The following IRX4 variants were observed in gnomAD, a reference collection of about 807,000 sequenced individuals.
IRX4 encodes iroquois-class homeodomain protein IRX-4.
IRX4 carries 22 observed loss-of-function variants against 32.0 expected under a neutral mutation model. That is an observed-to-expected ratio of 0.69 (90% CI 0.49 to 0.98). The LOEUF is 0.98. Among genes scored for constraint, IRX4 ranks in the 50% least tolerant of loss-of-function variants. The pLI is 0.00. For missense variants in IRX4, 840 were observed against 744.2 expected (o/e 1.13, Z -1.50); for synonymous variants, 379 against 351.7 (o/e 1.08, Z -0.87).
At chr5:1,885,439 C>G (rs1472152249), upstream of IRX4, among the ~76,000 whole-genome samples, 1 of 152,188 alleles carries the variant, frequency 6.6e-6, no homozygotes, top group Non-Finnish European at 1.5e-5. Context: ...ACCCTTTCTC[C>G]GTGACCCAGA....
chr5:1,879,148 C>A (rs546697150), intron 4 of IRX4, among the ~76,000 whole-genome samples: 1 of 152,092 alleles, frequency 6.6e-6, no homozygotes, highest in Admixed American at 6.5e-5. Context: ...CCCGCCACCA[C>A]GCCCGGCTAA....
At chr5:1,886,337 C>T (rs545277184), upstream of IRX4, among the ~76,000 whole-genome samples, 33 of 152,362 alleles carry the variant, frequency 2.2e-4, no homozygotes, top group Non-Finnish European at 4.4e-4. Flanking sequence ...GGGCACCAGG[C>T]AAGGGCCTTT....
Position 1,878,938 on chromosome 5 carries a change from G to A in IRX4, c.737-146C>T, listed in dbSNP as rs1735322307. The A allele has an allele frequency of 1.8e-5, 15 of 847,814 alleles. No individual in the cohort carries two copies. The South Asian group carries it at 2.0e-4, about 11-fold the overall frequency. 52.5% of individuals were successfully genotyped at this position (847,814 alleles called of 1,614,324 possible). On this transcript the variant is annotated intron_variant, in intron 4 of 4. Coordinates refer to ENST00000231357, the MANE Select transcript of IRX4 (RefSeq NM_016358.3). ...TTCGCGTCTCCCATTTCCTCCAGAG[G>A]CCACCAGGTCACAAACTGGCAACAC...
chr5:1,883,459 C>G (rs905065725), upstream of IRX4, among the ~76,000 whole-genome samples: 6 of 152,218 alleles, frequency 3.9e-5, no homozygotes, highest in South Asian at 1.2e-3. Context: ...CAACGCCTCC[C>G]GCCGGTTTCC....
In IRX4 at chr5:1,882,874, G is replaced by A. The variant is rs1735504981; in HGVS notation, c.-227C>T. 2.5e-6 allele frequency: 1 copy of A among 395,316 alleles called. No individual in the cohort carries two copies. The highest frequency in any genetic ancestry group is 1.4e-4 in the South Asian group (1 of 7,356). The allele number at this position is 395,316 out of a possible 1,614,324, so 24.5% of individuals were successfully genotyped here. On this transcript the variant is annotated 5_prime_UTR_variant, in exon 1 of 5. Transcript: ENST00000231357. The stretch of plus-strand genomic sequence containing the variant: ...TAACTTCGCATTCCGGAGGCTCGAG[G>A]GGGCTCTGGGACCGAGCGGCCTCGC...
At position 1,880,737 on chromosome 5, in the gene IRX4, T is replaced by C. The variant is rs771652588; in HGVS notation, c.395A>G (p.Tyr132Cys). 1 of 1,612,598 alleles carries C rather than the reference T, an allele frequency of 6.2e-7. No homozygotes were observed. Among genetic ancestry groups the C allele is most frequent in the Non-Finnish European group, 8.5e-7 (1 of 1,178,904 alleles). ...GGTGGGTCCTCACCTGTCATAGGGGTACTGGCCCAGAGCTGGCTCGTAAGG... is the reference window on the plus strand; with the variant it reads ...GGTGGGTCCTCACCTGTCATAGGGGCACTGGCCCAGAGCTGGCTCGTAAGG... The part of the protein sequence containing the change: ...YYPYEPALGQ[Y>C]PYDRYGTMDS... Residue 132 changes from tyrosine (Y) to cysteine (C), a missense_variant, in exon 3 of 5, where the codon TAC becomes TGC. Coordinates refer to ENST00000231357, the MANE Select transcript of IRX4 (RefSeq NM_016358.3).
chr5:1,880,167 C>G (rs1238251089), intron 3 of IRX4: 1 of 1,522,304 alleles, frequency 6.6e-7, no homozygotes, highest in Admixed American at 2.0e-5. Context: ...AAGGTATAGA[C>G]AGGTAAGCCC....
rs146674681 is a variant in IRX4, at chr5:1,879,579, A to G, written c.661T>C (p.Tyr221His). The change falls in exon 4 of 5, where the codon TAC becomes CAC. Residue 221 changes from tyrosine (Y) to histidine (H), a missense_variant. By Grantham distance (83) the Tyr-to-His change is moderately conservative (BLOSUM62 2). Around this residue, in one of 3 missense-constraint regions of IRX4, gnomAD observed 585 missense variants for 488.0 expected, o/e 1.20. Transcript: ENST00000231357. Reference protein sequence around the residue: ...RNKCADEKRPYAEGEEEEGGE... With the variant: ...RNKCADEKRPHAEGEEEEGGE... ...CCCTCCTCCTCCTCGCCCTCCGCGT[A>G]GGGCCGCTTCTCGTCTGCGCACTTG... The G allele has an allele frequency of 8.4e-5, 135 of 1,613,760 alleles. No homozygotes were observed. The African/African-American group carries it at 1.4e-3, about 16-fold the overall frequency.
In IRX4 at chr5:1,877,833, A is replaced by G; in HGVS notation, c.*136T>C. The stretch of plus-strand genomic sequence containing the variant: ...GGCTTGTCCATGTTCCCAGGAGTCC[A>G]AGTTCAGAAGCCCCCTCTCCGGTGG... On this transcript the variant is annotated 3_prime_UTR_variant, in exon 5 of 5. Coordinates refer to ENST00000231357, the MANE Select transcript of IRX4 (RefSeq NM_016358.3). The G allele has an allele frequency of 1.2e-6, 1 of 808,192 alleles. No individual in the cohort carries two copies. Among genetic ancestry groups the G allele is most frequent in the Non-Finnish European group, 1.9e-6 (1 of 534,488 alleles). 50.1% of individuals were successfully genotyped at this position (808,192 alleles called of 1,614,324 possible).
At chr5:1,880,101 C>T in intron 3 of IRX4, 1 of 1,535,638 alleles carries the variant, frequency 6.5e-7, no homozygotes, top group African/African-American at 1.4e-5. Context: ...CAGAGAGGTC[C>T]AGGCCAATTC....
Position 1,877,936 on chromosome 5 carries a change from C to A in IRX4, c.*33G>T. The A allele has an allele frequency of 6.8e-7, 1 of 1,479,582 alleles. No individual in the cohort carries two copies. 91.7% of individuals were successfully genotyped at this position (1,479,582 alleles called of 1,614,324 possible). A position where few individuals can be genotyped will look rare whatever the true frequency, so the allele number is the denominator to read the frequency against. On this transcript the variant is annotated 3_prime_UTR_variant, in exon 5 of 5. Coordinates refer to ENST00000231357, the MANE Select transcript of IRX4 (RefSeq NM_016358.3). ...AGAGTCGGCGCCGTCCGCCTGAGCG[C>A]GGGTTCCCTCCTGGGCTCGGGACCC...
At position 1,877,920 on chromosome 5, in the gene IRX4, G is replaced by C; in HGVS notation, c.*49C>G. On this transcript the variant is annotated 3_prime_UTR_variant, in exon 5 of 5. Coordinates refer to ENST00000231357, the MANE Select transcript of IRX4 (RefSeq NM_016358.3). ...TGGAAACTCAGTGAAAAGAGTCGGC[G>C]CCGTCCGCCTGAGCGCGGGTTCCCT... The C allele has an allele frequency of 2.1e-6, 3 of 1,441,286 alleles. No individual in the cohort carries two copies. The highest frequency in any genetic ancestry group is 2.8e-6 in the Non-Finnish European group (3 of 1,080,122). The allele number at this position is 1,441,286 out of a possible 1,614,324, so 89.3% of individuals were successfully genotyped here.
At chr5:1,881,167 TG>T (rs1362368886) in intron 2 of IRX4, 5 of 272,244 alleles carry the variant, frequency 1.8e-5, no homozygotes, top group African/African-American at 4.0e-5. Context: ...AGGGGGCAGC[TG>T]GGAGAAGGAG....
Position 1,877,687 on chromosome 5 carries a change from T to C in IRX4, c.*282A>G. On this transcript the variant is annotated 3_prime_UTR_variant, in exon 5 of 5. Transcript: ENST00000231357. ...CTCCATGTAAACTTTTGACGTAAAC[T>C]TTATGCTTCAGGGTATCTGGCCTCT... The C allele has an allele frequency of 2.2e-6, 1 of 450,176 alleles. No homozygotes were observed. Among genetic ancestry groups the C allele is most frequent in the Non-Finnish European group, 3.9e-6 (1 of 257,198 alleles). 27.9% of individuals were successfully genotyped at this position (450,176 alleles called of 1,614,324 possible).
At chr5:1,884,422 T>C (rs1735563728), upstream of IRX4, 1 of 152,274 alleles carries the variant, frequency 6.6e-6, no homozygotes, top group South Asian at 2.1e-4. Flanking sequence ...TTGATGACTA[T>C]CTGGAGACCA....
At position 1,879,846 on chromosome 5, in the gene IRX4, C is replaced by G. The variant is rs1735367471; in HGVS notation, c.408-14G>C. The G allele has an allele frequency of 1.2e-6, 2 of 1,613,008 alleles. No homozygotes were observed. The highest frequency in any genetic ancestry group is 1.3e-5 in the African/African-American group (1 of 74,926). ...ATGGTTCCATACCTGGAGACAGGCT[C>G]TGCAATGGGCTCAGGCTGGGCCCTC... On this transcript the variant is annotated splice_polypyrimidine_tract_variant and intron_variant, in intron 3 of 4. Coordinates refer to ENST00000231357, the MANE Select transcript of IRX4 (RefSeq NM_016358.3).
Position 1,878,541 on chromosome 5 carries a change from C to G in IRX4, c.988G>C (p.Ala330Pro). The change falls in exon 5 of 5, where the codon GCG (alanine) becomes CCG (proline). Residue 330 changes from alanine to proline, a missense_variant. By Grantham distance (27) the Ala-to-Pro change is conservative. This residue lies in a region of IRX4 where 585 missense variants were observed against 488.0 expected (regional missense o/e 1.20). Transcript: ENST00000231357. Reference protein sequence around the residue: ...LERARSCLRSAAAGPEPLPGA... With the variant: ...LERARSCLRSPAAGPEPLPGA... ...GGCAGTGGCTCCGGCCCGGCCGCCG[C>G]GCTGCGGAGACAGCTCCGGGCCCTC... is the stretch of plus-strand genomic sequence containing the variant. 1 of 1,473,924 alleles carries G rather than the reference C, an allele frequency of 6.8e-7. No individual in the cohort carries two copies. The highest frequency in any genetic ancestry group is 8.9e-7 in the Non-Finnish European group (1 of 1,118,090). 91.3% of individuals were successfully genotyped at this position (1,473,924 alleles called of 1,614,324 possible).
chr5:1,878,547 G>T lies in IRX4; in HGVS notation c.982C>A (p.Arg328Ser). ...GGCTCCGGCCCGGCCGCCGCGCTGC[G>T]GAGACAGCTCCGGGCCCTCTCCAGG... ...EDLERARSCL[R>S]SAAAGPEPLP... Residue 328 changes from arginine (R) to serine (S), a missense_variant, in exon 5 of 5, where the codon CGC (arginine) becomes AGC (serine). This residue lies in a region of IRX4 where 585 missense variants were observed against 488.0 expected (regional missense o/e 1.20). Transcript: ENST00000231357. 6.7e-7 allele frequency: 1 copy of T among 1,500,680 alleles called. No individual in the cohort carries two copies. Among genetic ancestry groups the T allele is most frequent in the Non-Finnish European group, 8.9e-7 (1 of 1,128,572 alleles). 93.0% of individuals were successfully genotyped at this position (1,500,680 alleles called of 1,614,324 possible).
chr5:1,882,174 C>T, intron 1 of IRX4, 115 bp from the exon 2 acceptor site: 3 of 1,241,454 alleles, frequency 2.4e-6, no homozygotes, highest in Non-Finnish European at 3.3e-6. Flanking sequence ...CCCGGGCCTC[C>T]CGCCGTCCAC....
Sources: allele counts gnomAD v4.1 joint callset (sites outside exome capture counted in the v4.1 genomes callset), GRCh38; gene constraint gnomAD v4.1.1; regional missense constraint gnomAD v4.1.1; transcripts MANE v1.5; gene names NCBI Gene and HGNC (gene_info 2026-07-23, HGNC 2026-07-21).